GUCA1B: variants seen among roughly 807,000 people sequenced by gnomAD.
The protein encoded by GUCA1B is guanylyl cyclase-activating protein 2.
In GUCA1B, 22 loss-of-function variants were observed where a neutral mutation model predicts 24.2. The ratio of observed to expected loss-of-function variants is 0.91; its 90% CI spans 0.65 to 1.30. The LOEUF is 1.30. GUCA1B is among the 50% of genes most tolerant of loss of function. The pLI, the probability that GUCA1B is intolerant of heterozygous loss-of-function variation, is 0.00. For synonymous variants in GUCA1B, 100 were observed against 97.9 expected (o/e 1.02, Z -0.13); for missense variants, 221 against 258.8 (o/e 0.85, Z 1.00).
rs777720340 is a variant in GUCA1B, at chr6:42,184,844, G to A, written c.574C>T (p.Gln192Ter). The change falls in exon 4 of 4, where the codon CAG (glutamine) becomes TAG (stop). Residue 192 changes from glutamine (Q) to a stop codon, truncating the protein, a stop_gained. Transcript: ENST00000230361. LOFTEE classifies it high-confidence loss of function. ...MDMNPSSWLA[Q>*]QRRKSAMF ...AACATGGCACTTTTCCGTCTCTGCT[G>A]AGCGAGCCAGCTGCTGGGATTCATG... 1 of 1,614,120 alleles carries A rather than the reference G, an allele frequency of 6.2e-7. No homozygotes were observed. Among genetic ancestry groups the A allele is most frequent in the Non-Finnish European group, 8.5e-7 (1 of 1,180,004 alleles).
At position 42,184,190 on chromosome 6, in the gene GUCA1B, C is replaced by A. The variant is rs919500522; in HGVS notation, c.*625G>T. ...TGTAGGCTCGGCCCCCTGGGGTTCA[C>A]GCCATTCTCTTGCCTCAGCCTCCTG... is the stretch of plus-strand genomic sequence containing the variant. On this transcript the variant is annotated 3_prime_UTR_variant, in exon 4 of 4. Coordinates refer to ENST00000230361, the MANE Select transcript of GUCA1B (RefSeq NM_002098.6). Among the ~76,000 whole-genome samples, 1 of 151,876 alleles carries A rather than the reference C, an allele frequency of 6.6e-6. No homozygotes were observed.
intron 1 of GUCA1B, 101 bp downstream of exon 1, chr6:42,194,513 A>G: frequency 1.3e-6 from 1 of 786,174 alleles, no homozygotes; most frequent in Non-Finnish European, 2.3e-6. Context: ...AGAGCAGAGA[A>G]AGAGCCGAGG....
chr6:42,184,168 A>T lies in GUCA1B; in HGVS notation c.*647T>A, dbSNP rs1223129782. 1.3e-5 allele frequency among the ~76,000 whole-genome samples: 2 copies of T among 149,846 alleles called. No homozygotes were observed. The highest frequency in any genetic ancestry group is 1.5e-5 in the Non-Finnish European group (1 of 67,710). ...CAGTGGCGCAATCTCGGCTCACTGT[A>T]GGCTCGGCCCCCTGGGGTTCACGCC... On this transcript the variant is annotated 3_prime_UTR_variant, in exon 4 of 4. Coordinates refer to ENST00000230361, the MANE Select transcript of GUCA1B (RefSeq NM_002098.6).
chr6:42,184,776 C>G lies in GUCA1B; in HGVS notation c.*39G>C. 6.2e-7 allele frequency: 1 copy of G among 1,609,492 alleles called. No homozygotes were observed. Among genetic ancestry groups the G allele is most frequent in the African/African-American group, 1.3e-5 (1 of 74,968 alleles). ...AGGGACCCTCCTACTACCCTGGAAA[C>G]CTGGGTGAGCCTGGAGTCGTGGAGG... is the stretch of plus-strand genomic sequence containing the variant. On this transcript the variant is annotated 3_prime_UTR_variant, in exon 4 of 4. Coordinates refer to ENST00000230361, the MANE Select transcript of GUCA1B (RefSeq NM_002098.6).
At chr6:42,192,053 A>G (rs144776292) in intron 1 of GUCA1B, among the ~76,000 whole-genome samples, 3 of 32,404 alleles carry the variant, frequency 9.3e-5, no homozygotes, top group Non-Finnish European at 1.1e-4. Context: ...AAAAAAAAAG[A>G]AAAAAAAAAA....
chr6:42,188,208 A>C (rs980355353), intron 2 of GUCA1B, among the ~76,000 whole-genome samples: 1 of 151,844 alleles, frequency 6.6e-6, no homozygotes, highest in Non-Finnish European at 1.5e-5. Context: ...TAAATCTATA[A>C]ATTTTTCTGC....
In GUCA1B at chr6:42,183,643, G is replaced by T. The variant is rs572720377; in HGVS notation, c.*1172C>A. 2.4e-4 allele frequency among the ~76,000 whole-genome samples: 37 copies of T among 152,304 alleles called. No homozygotes were observed. The highest frequency in any genetic ancestry group is 8.9e-4 in the African/African-American group (37 of 41,556). On this transcript the variant is annotated 3_prime_UTR_variant, in exon 4 of 4. Coordinates refer to ENST00000230361, the MANE Select transcript of GUCA1B (RefSeq NM_002098.6). ...TAACCAAGGTTAGGGAGGAGAAGTG[G>T]CTGTCTTGGGTCACACAGCAGTTAG...
At chr6:42,186,688 G>A (rs1768198715) in intron 2 of GUCA1B, among the ~76,000 whole-genome samples, 1 of 152,126 alleles carries the variant, frequency 6.6e-6, no homozygotes, top group Non-Finnish European at 1.5e-5. Flanking sequence ...CGCTCCCTGA[G>A]GACAGAAGCT....
At position 42,194,666 on chromosome 6, in the gene GUCA1B, T is replaced by C; in HGVS notation, c.155A>G (p.Glu52Gly). The change falls in exon 1 of 4, where the codon GAG becomes GGG. Residue 52 changes from glutamate to glycine, a missense_variant. Coordinates refer to ENST00000230361, the MANE Select transcript of GUCA1B (RefSeq NM_002098.6). ...GCCCTCTACATACTGGGAGGCCTCC[T>C]CATCGTCTGTGACCTTGAAGAAGCG... ...FKRFFKVTDD[E>G]EASQYVEGMF... is the part of the protein sequence containing the mutation. 1 of 1,613,928 alleles carries C rather than the reference T, an allele frequency of 6.2e-7. No homozygotes were observed. The highest frequency in any genetic ancestry group is 8.5e-7 in the Non-Finnish European group (1 of 1,179,812).
chr6:42,192,602 C>T (rs769372756), intron 1 of GUCA1B, among the ~76,000 whole-genome samples: 3 of 152,064 alleles, frequency 2.0e-5, no homozygotes, highest in Non-Finnish European at 2.9e-5. Flanking sequence ...ATCCTAGCTA[C>T]TCAGGAGGAT....
chr6:42,186,605 G>C (rs1187531921), intron 2 of GUCA1B, among the ~76,000 whole-genome samples: 1 of 149,248 alleles, frequency 6.7e-6, no homozygotes, highest in Non-Finnish European at 1.5e-5. Flanking sequence ...AAAAAAAAAA[G>C]AAAGAAAGAA....
At position 42,194,754 on chromosome 6, in the gene GUCA1B, C is replaced by A. The variant is rs1768369021; in HGVS notation, c.67G>T (p.Glu23Ter). 1 of 1,608,848 alleles carries A rather than the reference C, an allele frequency of 6.2e-7. No individual in the cohort carries two copies. Among genetic ancestry groups the A allele is most frequent in the Non-Finnish European group, 8.5e-7 (1 of 1,177,642 alleles). The stretch of plus-strand genomic sequence containing the variant: ...TCCATCACAAACTTCTTGTACCACT[C>A]CTGGAGCTCCGCCACATCTATCTCG... Reference protein sequence around the residue: ...AGEIDVAELQEWYKKFVMECP... With the variant: ...AGEIDVAELQ The change falls in exon 1 of 4, where the codon GAG becomes TAG. Residue 23 changes from glutamate (E) to a stop codon, truncating the protein, a stop_gained. Coordinates refer to ENST00000230361, the MANE Select transcript of GUCA1B (RefSeq NM_002098.6). LOFTEE classifies it high-confidence loss of function.
rs918362383 is a variant in GUCA1B at position 42,188,565 on chromosome 6, T to C, written c.357+17A>G. 3 of 1,613,620 alleles carry C rather than the reference T, an allele frequency of 1.9e-6. No homozygotes were observed. The highest frequency in any genetic ancestry group is 1.3e-5 in the African/African-American group (1 of 74,908). The stretch of plus-strand genomic sequence containing the variant: ...CTCTAGTGCCCAGGCTGCTGGCCCA[T>C]GGGCAGAGACACTAACCTCCACAAT... On this transcript the variant is annotated intron_variant, in intron 2 of 3. Transcript: ENST00000230361.
Position 42,184,854 on chromosome 6 carries a change from G to T in GUCA1B, c.564C>A (p.Ser188Arg). 1 of 1,614,098 alleles carries T rather than the reference G, an allele frequency of 6.2e-7. No homozygotes were observed. The highest frequency in any genetic ancestry group is 8.5e-7 in the Non-Finnish European group (1 of 1,179,978). ...KMLQMDMNPS[S>R]WLAQQRRKSA... ...TTTTCCGTCTCTGCTGAGCGAGCCA[G>T]CTGCTGGGATTCATGTCCATCTGCA... Residue 188 changes from serine (S) to arginine (R), a missense_variant, in exon 4 of 4, where the codon AGC (serine) becomes AGA (arginine). By Grantham distance (110) the Ser-to-Arg change is moderately radical. Coordinates refer to ENST00000230361, the MANE Select transcript of GUCA1B (RefSeq NM_002098.6).
At chr6:42,192,291 T>C (rs1582334436) in intron 1 of GUCA1B, among the ~76,000 whole-genome samples, 1 of 123,068 alleles carries the variant, frequency 8.1e-6, no homozygotes, top group South Asian at 2.7e-4. Flanking sequence ...GAGGTGGAGG[T>C]TGCAGTGAGC....
chr6:42,185,738 C>A lies in GUCA1B; in HGVS notation c.417G>T (p.Leu139=), dbSNP rs1041913053. The change falls in exon 3 of 4, where the codon CTG becomes CTT. Residue 139 remains leucine, a synonymous_variant. Coordinates refer to ENST00000230361, the MANE Select transcript of GUCA1B (RefSeq NM_002098.6). Reference sequence around the variant, plus strand: ...TGTCCACGACCTCCTCGGGTGTGAGCAGCTGGCCTTGCTCAGTTTGTAGCT... The same window carrying A: ...TGTCCACGACCTCCTCGGGTGTGAGAAGCTGGCCTTGCTCAGTTTGTAGCT... ...RRELQTEQGQ[L]LTPEEVVDRI... The A allele has an allele frequency of 6.2e-7, 1 of 1,613,570 alleles. No individual in the cohort carries two copies. The highest frequency in any genetic ancestry group is 1.1e-5 in the South Asian group (1 of 91,080).
At chr6:42,188,293 CGTGTGTGTGTGT>C (rs151241798) in intron 2 of GUCA1B, among the ~76,000 whole-genome samples, 22 of 143,662 alleles carry the variant, frequency 1.5e-4, no homozygotes, top group South Asian at 4.5e-4. Context: ...AGATACTTGT[CGTGTGTGTGTGT>C]GTGTGTGTGT....
intron 1 of GUCA1B, among the ~76,000 whole-genome samples, chr6:42,189,835 C>T (rs1422237696): frequency 6.6e-6 from 1 of 152,194 alleles, no homozygotes; most frequent in Non-Finnish European, 1.5e-5. Context: ...TTTGGGGTGA[C>T]AGGCTGCTGT....
At chr6:42,185,074 G>C in intron 3 of GUCA1B, 132 bp from the exon 4 acceptor site, 1 of 773,196 alleles carries the variant, frequency 1.3e-6, no homozygotes, top group Non-Finnish European at 2.2e-6. Flanking sequence ...CAGACCTCAA[G>C]CTTGCGGCTT....
Sources: allele counts gnomAD v4.1 joint callset (sites outside exome capture counted in the v4.1 genomes callset), GRCh38; gene constraint gnomAD v4.1.1; transcripts MANE v1.5; gene names NCBI Gene and HGNC (gene_info 2026-07-23, HGNC 2026-07-21).